The following HDAC1 variants were observed in gnomAD, a reference collection of about 807,000 sequenced individuals.
The protein encoded by HDAC1 is protein deacetylase HDAC1.
In HDAC1, 18 loss-of-function variants were observed where a neutral mutation model predicts 65.5. The observed-to-expected ratio is 0.27, with a 90% CI of 0.19 to 0.41. The LOEUF is 0.41. HDAC1 is among the 10% of genes least tolerant of loss of function. The probability of loss-of-function intolerance (pLI) is 1.00; values close to 1 mark genes in which losing one functional copy is unlikely to be tolerated. For missense variants in HDAC1, 373 were observed against 625.2 expected (o/e 0.60, Z 4.30); for synonymous variants, 211 against 227.9 (o/e 0.93, Z 0.67).
In HDAC1 at chr1:32,333,602, T is replaced by C. The variant is rs8176781; in HGVS notation, c.*558T>C. On this transcript the variant is annotated 3_prime_UTR_variant, in exon 14 of 14. Transcript: ENST00000373548. ...CTATTTTCATTTTTGTGAGCCTCTTTGTAATAAAATGGTACATTTCTATAT... is the reference window on the plus strand; with the variant it reads ...CTATTTTCATTTTTGTGAGCCTCTTCGTAATAAAATGGTACATTTCTATAT... 0.016 allele frequency: 2,473 copies of C among 152,916 alleles called. 32 individuals are homozygous for C. The highest frequency in any genetic ancestry group is 0.027 in the Non-Finnish European group (1,862 of 68,480). The allele number at this position is 152,916 out of a possible 1,614,324, so 9.5% of individuals were successfully genotyped here. A position where few individuals can be genotyped will look rare whatever the true frequency, so the allele number is the denominator to read the frequency against.
intron 4 of HDAC1, among the ~76,000 whole-genome samples, chr1:32,324,960 T>C (rs1641198171): frequency 6.6e-6 from 1 of 151,884 alleles, no homozygotes. Context: ...AGCAAGACCC[T>C]GCCTCCAAAA....
intron 3 of HDAC1, among the ~76,000 whole-genome samples, chr1:32,319,992 G>C (rs763247871): frequency 1.3e-5 from 2 of 151,694 alleles, no homozygotes; most frequent in African/African-American, 4.8e-5. Context: ...CGAGGTGGGC[G>C]GATCACGAGG....
In HDAC1 at chr1:32,327,757, A is replaced by C. The variant is rs1417108625; in HGVS notation, c.636+80A>C. The C allele has an allele frequency of 7.3e-7, 1 of 1,368,726 alleles. No homozygotes were observed. The highest frequency in any genetic ancestry group is 1.7e-5 in the Admixed American group (1 of 57,610). 84.8% of individuals were successfully genotyped at this position (1,368,726 alleles called of 1,614,324 possible). A position where few individuals can be genotyped will look rare whatever the true frequency, so the allele number is the denominator to read the frequency against. On this transcript the variant is annotated intron_variant, in intron 6 of 13. Coordinates refer to ENST00000373548, the MANE Select transcript of HDAC1 (RefSeq NM_004964.3). This position sits in a 1 kb window ranked among gnomAD's most constrained non-coding sequence, Gnocchi z 6.0. ...CTCTCTCCTATCTCATGCCACTAAA[A>C]ATTGCTTCTTGCCTCTTCTGCCAAT...
At chr1:32,313,472 A>G (rs532796951) in intron 2 of HDAC1, among the ~76,000 whole-genome samples, 3 of 152,206 alleles carry the variant, frequency 2.0e-5, no homozygotes, top group Non-Finnish European at 4.4e-5. Flanking sequence ...CCTAGGCTCA[A>G]GCGATCCTCC....
At chr1:32,313,044 C>T (rs17255809) in intron 2 of HDAC1, among the ~76,000 whole-genome samples, 11,170 of 151,998 alleles carry the variant, frequency 0.073, 1,355 homozygotes, top group African/African-American at 0.25. Flanking sequence ...AATCTGAACA[C>T]ATTCTGGCCT....
chr1:32,324,187 T>C (rs1331136680), intron 3 of HDAC1, among the ~76,000 whole-genome samples: 2 of 152,168 alleles, frequency 1.3e-5, no homozygotes, highest in South Asian at 2.1e-4. Flanking sequence ...GGTGGAAGGA[T>C]TGCTTGAGCC....
Position 32,329,011 on chromosome 1 carries a change from C to G in HDAC1, c.637-57C>G. On this transcript the variant is annotated intron_variant, in intron 6 of 13. Coordinates refer to ENST00000373548, the MANE Select transcript of HDAC1 (RefSeq NM_004964.3). This position sits in a 1 kb window ranked among gnomAD's most constrained non-coding sequence, Gnocchi z 4.1. ...TTCCTTTATCCCTCCAGCCCCTATCCTTGACCTTCCTTCAAGCTTCATCCT... is the reference window on the plus strand; with the variant it reads ...TTCCTTTATCCCTCCAGCCCCTATCGTTGACCTTCCTTCAAGCTTCATCCT... The G allele has an allele frequency of 9.4e-7, 1 of 1,062,810 alleles. No individual in the cohort carries two copies. Among genetic ancestry groups the G allele is most frequent in the Non-Finnish European group, 1.5e-6 (1 of 677,910 alleles). 65.8% of individuals were successfully genotyped at this position (1,062,810 alleles called of 1,614,324 possible). A position where few individuals can be genotyped will look rare whatever the true frequency, so the allele number is the denominator to read the frequency against.
chr1:32,320,080 C>T (rs562406158), intron 3 of HDAC1, among the ~76,000 whole-genome samples: 10 of 152,092 alleles, frequency 6.6e-5, no homozygotes, highest in African/African-American at 1.9e-4. Flanking sequence ...ATTAGCCGGA[C>T]GTGGTGGCAG....
At chr1:32,307,803 G>A (rs1416796924) in intron 2 of HDAC1, among the ~76,000 whole-genome samples, 5 of 152,212 alleles carry the variant, frequency 3.3e-5, no homozygotes, top group Non-Finnish European at 5.9e-5. Context: ...TTGTAAAAGA[G>A]GTGGCATTTG....
chr1:32,314,989 C>T (rs2148064266), intron 2 of HDAC1, among the ~76,000 whole-genome samples: 1 of 152,208 alleles, frequency 6.6e-6, no homozygotes, highest in South Asian at 2.1e-4. Flanking sequence ...AAATTGGTTT[C>T]TTTATACATT....
intron 1 of HDAC1, 132 bp from the exon 2 acceptor site, chr1:32,302,489 G>A: frequency 1.8e-6 from 1 of 563,406 alleles, no homozygotes; most frequent in Non-Finnish European, 3.2e-6. Context: ...CCTTCAAAAG[G>A]TGGGAGAGAA....
At chr1:32,313,841 G>T (rs964044703) in intron 2 of HDAC1, among the ~76,000 whole-genome samples, 1 of 152,202 alleles carries the variant, frequency 6.6e-6, no homozygotes, top group Admixed American at 6.5e-5. Context: ...AGCAAGTGTG[G>T]ATATGGGTGT....
chr1:32,325,518 TACA>T (rs1641205091), intron 4 of HDAC1, among the ~76,000 whole-genome samples: 1 of 152,226 alleles, frequency 6.6e-6, no homozygotes, highest in African/African-American at 2.4e-5. Context: ...GTCACACATA[TACA>T]ACATCTATAT....
chr1:32,319,814 G>C (rs1367698191), intron 3 of HDAC1, among the ~76,000 whole-genome samples: 2 of 152,138 alleles, frequency 1.3e-5, no homozygotes, highest in Non-Finnish European at 2.9e-5. Flanking sequence ...TCAGGAGCCT[G>C]AGGCAGGAGG....
intron 6 of HDAC1, among the ~76,000 whole-genome samples, chr1:32,328,201 A>G (rs985191318): frequency 5.3e-5 from 8 of 152,206 alleles, no homozygotes; most frequent in Admixed American, 5.2e-4. Context: ...ATCTGCTTCT[A>G]TTAGCATGAA....
chr1:32,325,176 T>C (rs1471081766), intron 4 of HDAC1, among the ~76,000 whole-genome samples: 1 of 152,204 alleles, frequency 6.6e-6, no homozygotes, highest in Admixed American at 6.5e-5. Context: ...AAAATGGAAG[T>C]GTCATCATCT....
At chr1:32,316,285 A>C (rs563452976) in intron 2 of HDAC1, among the ~76,000 whole-genome samples, 1 of 151,020 alleles carries the variant, frequency 6.6e-6, no homozygotes, top group Non-Finnish European at 1.5e-5. Context: ...CTCCGTCTCA[A>C]AAAAAAAAAG....
chr1:32,296,375 T>C (rs779540159), intron 1 of HDAC1, among the ~76,000 whole-genome samples: 118 of 152,146 alleles, frequency 7.8e-4, no homozygotes, highest in Non-Finnish European at 1.4e-3. Context: ...GGTTGAACCC[T>C]TTTTTTGGAG....
intron 2 of HDAC1, among the ~76,000 whole-genome samples, chr1:32,306,457 C>T (rs1640913201): frequency 6.6e-6 from 1 of 152,102 alleles, no homozygotes; most frequent in African/African-American, 2.4e-5. Flanking sequence ...GGCGCCCGGC[C>T]TCTTTTTCTC....
Sources: allele counts gnomAD v4.1 joint callset (sites outside exome capture counted in the v4.1 genomes callset), GRCh38; gene constraint gnomAD v4.1.1; non-coding constraint Gnocchi (gnomAD v3.1); transcripts MANE v1.5; gene names NCBI Gene and HGNC (gene_info 2026-07-23, HGNC 2026-07-21).